The following DIP2C variants were observed in gnomAD, a reference collection of about 807,000 sequenced individuals.
DIP2C encodes the protein DIP2 acetate--CoA ligase C (putative), also known as disco-interacting protein 2 homolog C.
Under a neutral mutation model 192.4 loss-of-function variants are expected in DIP2C, and 33 were observed. That is an observed-to-expected ratio of 0.17 (90% CI 0.13 to 0.23). DIP2C has a LOEUF of 0.23. DIP2C is among the 10% of genes least tolerant of loss of function. The probability of loss-of-function intolerance (pLI) is 1.00; values close to 1 mark genes in which losing one functional copy is unlikely to be tolerated. For missense variants in DIP2C, 1,537 were observed against 2,110.1 expected (o/e 0.73, Z 5.32); for synonymous variants, 979 against 864.1 (o/e 1.13, Z -2.33).
chr10:407,224 ACG>A (rs1964869763), intron 9 of DIP2C, among the ~76,000 whole-genome samples: 1 of 152,216 alleles, frequency 6.6e-6, no homozygotes, highest in South Asian at 2.1e-4. Context: ...GAACGGAATC[ACG>A]CAATACCTGT....
intron 4 of DIP2C, among the ~76,000 whole-genome samples, chr10:426,281 T>G (rs1966592665): frequency 6.6e-6 from 1 of 152,128 alleles, no homozygotes; most frequent in Admixed American, 6.5e-5. Flanking sequence ...GCCAAACTTC[T>G]AACAAAAAGG....
At chr10:422,780 C>T (rs760323501) in intron 5 of DIP2C, 44 bp downstream of exon 5, 34 of 1,578,296 alleles carry the variant, frequency 2.2e-5, no homozygotes, top group South Asian at 4.5e-5. Context: ...CACACAAAGG[C>T]GTTTACACAA....
At chr10:436,286 A>G (rs1397224614) in intron 4 of DIP2C, among the ~76,000 whole-genome samples, 2 of 152,240 alleles carry the variant, frequency 1.3e-5, no homozygotes, top group Non-Finnish European at 2.9e-5. Context: ...CGTGTTGAGC[A>G]CGCTCAGGAT....
chr10:506,866 G>A (rs1357511898), intron 1 of DIP2C, among the ~76,000 whole-genome samples: 3 of 152,238 alleles, frequency 2.0e-5, no homozygotes, highest in Non-Finnish European at 1.5e-5. Context: ...TGAGGTTATG[G>A]ACATGGTCAC....
Position 602,948 on chromosome 10 carries a change from G to A in DIP2C, c.85+86546C>T, listed in dbSNP as rs142098674. Among the ~76,000 whole-genome samples the A allele has an allele frequency of 1.7e-3, 266 of 152,212 alleles. 2 individuals carry two copies. The Middle Eastern group carries it at 0.02, about 12-fold the overall frequency. ...AACAGTGGTGATAACACCCCTCACC[G>A]GAGCCGTTGGGGGAGGCAAGAGTGC... On this transcript the variant is annotated intron_variant, in intron 1 of 36. Coordinates refer to ENST00000280886, the MANE Select transcript of DIP2C (RefSeq NM_014974.3).
chr10:369,594 G>A lies in DIP2C; in HGVS notation c.2031C>T (p.Val677=), dbSNP rs1000971645. 43 of 1,613,592 alleles carry A rather than the reference G, an allele frequency of 2.7e-5. No homozygotes were observed. In the Middle Eastern group the frequency reaches 5.0e-4, roughly 19 times the overall value. ...CATAGGTCAGTCCATGCATGGAGAG[G>A]ACACCCCGGCCCGGGGGCTGGTTAC... ...DDSNQPPGRG[V]LSMHGLTYGV... is the part of the protein sequence containing the mutation. The change falls in exon 18 of 37, where the codon GTC becomes GTT. Residue 677 remains valine, a synonymous_variant. Transcript: ENST00000280886.
intron 4 of DIP2C, among the ~76,000 whole-genome samples, chr10:428,571 G>A (rs539289200): frequency 4.6e-5 from 7 of 152,092 alleles, no homozygotes; most frequent in East Asian, 1.9e-4. Flanking sequence ...GTCCTTTCAG[G>A]ATCTCCTCTT....
intron 3 of DIP2C, among the ~76,000 whole-genome samples, chr10:452,718 G>A (rs1564730813): frequency 1.3e-5 from 2 of 152,190 alleles, no homozygotes; most frequent in Non-Finnish European, 2.9e-5. Context: ...TGGCTCTGCT[G>A]GTGCCCTCCT....
At chr10:673,352 G>A (rs1830737595) in intron 1 of DIP2C, among the ~76,000 whole-genome samples, 1 of 152,092 alleles carries the variant, frequency 6.6e-6, no homozygotes, top group Admixed American at 6.5e-5. Context: ...CTGTCTCCTG[G>A]GAAAGCATTT....
intron 9 of DIP2C, among the ~76,000 whole-genome samples, chr10:400,475 A>G (rs1318121923): frequency 3.3e-5 from 5 of 152,274 alleles, no homozygotes; most frequent in African/African-American, 1.2e-4. Flanking sequence ...TTACTTGTAC[A>G]TGTGGGGTAG....
intron 4 of DIP2C, chr10:430,225 C>T (rs1338756244): frequency 1.3e-5 from 2 of 152,152 alleles, no homozygotes; most frequent in Admixed American, 1.3e-4. Flanking sequence ...CCATTTTTTA[C>T]TTATTCATTT....
chr10:634,757 T>TA lies in DIP2C; in HGVS notation c.85+54736dup, dbSNP rs374307071. Among the ~76,000 whole-genome samples, 464 of 135,074 alleles carry TA rather than the reference T, an allele frequency of 3.4e-3. 14 individuals are homozygous for TA. In the East Asian group the frequency reaches 0.054, roughly 16 times the overall value. The allele number at this position is 135,074 out of a possible 152,430, so 88.6% of individuals were successfully genotyped here. A position where few individuals can be genotyped will look rare whatever the true frequency, so the allele number is the denominator to read the frequency against. ...AAAGAACGAGACTCCATCTCAAAAA[T>TA]AAAAAAAAAAGAAAAAGAAAAAGAA... On this transcript the variant is annotated intron_variant, in intron 1 of 36. Coordinates refer to ENST00000280886, the MANE Select transcript of DIP2C (RefSeq NM_014974.3).
intron 31 of DIP2C, among the ~76,000 whole-genome samples, chr10:315,810 T>C (rs891475166): frequency 4.6e-5 from 7 of 152,186 alleles, no homozygotes; most frequent in African/African-American, 1.7e-4. Context: ...ACTACAGGTA[T>C]GTTAGACCCA....
intron 1 of DIP2C, among the ~76,000 whole-genome samples, chr10:521,189 A>C (rs896375085): frequency 2.6e-5 from 4 of 152,228 alleles, no homozygotes; most frequent in African/African-American, 9.6e-5. Flanking sequence ...TGTGATTTTA[A>C]GCAGATCAAG....
At chr10:596,738 G>C (rs1375370237) in intron 1 of DIP2C, among the ~76,000 whole-genome samples, 1 of 152,128 alleles carries the variant, frequency 6.6e-6, no homozygotes, top group African/African-American at 2.4e-5. Context: ...TGGCTTCACA[G>C]AGCACCCGGC....
At chr10:646,203 G>A (rs1291321710) in intron 1 of DIP2C, among the ~76,000 whole-genome samples, 8 of 152,164 alleles carry the variant, frequency 5.3e-5, no homozygotes, top group Non-Finnish European at 1.0e-4. Context: ...CAGAGCTGAC[G>A]ACAGGCCCAT....
At position 369,602 on chromosome 10, in the gene DIP2C, G is replaced by A. The variant is rs1960713259; in HGVS notation, c.2023C>T (p.Arg675Trp). The change falls in exon 18 of 37, where the codon CGG becomes TGG. Residue 675 changes from arginine (R) to tryptophan (W), a missense_variant. Transcript: ENST00000280886. ...PTDDSNQPPG[R>W]GVLSMHGLTY... ...AGTCCATGCATGGAGAGGACACCCC[G>A]GCCCGGGGGCTGGTTACTGTCATCC... 4 of 1,613,716 alleles carry A rather than the reference G, an allele frequency of 2.5e-6. No homozygotes were observed. The highest frequency in any genetic ancestry group is 3.4e-6 in the Non-Finnish European group (4 of 1,179,888).
chr10:684,072 G>A (rs560452554), intron 1 of DIP2C, among the ~76,000 whole-genome samples: 3 of 152,374 alleles, frequency 2.0e-5, no homozygotes, highest in South Asian at 4.1e-4. Flanking sequence ...ATGTGGGTTC[G>A]CTTTCCTAGC....
intron 17 of DIP2C, among the ~76,000 whole-genome samples, chr10:372,769 G>A (rs1961137026): frequency 6.6e-6 from 1 of 151,980 alleles, no homozygotes; most frequent in Admixed American, 6.6e-5. Flanking sequence ...CGACACACAG[G>A]TGGGCACAGA....
Sources: gnomAD v4.1 joint callset for allele counts (sites outside exome capture counted in the v4.1 genomes callset) on GRCh38, gnomAD v4.1.1 for gene constraint, MANE v1.5 for transcripts, NCBI Gene and HGNC (gene_info 2026-07-23, HGNC 2026-07-21) for gene names.